Variants in SH3PXD2A observed in about 807,000 individuals in gnomAD.
SH3PXD2A encodes SH3 and PX domain-containing protein 2A.
A neutral mutation model predicts 115.2 loss-of-function variants in SH3PXD2A; 32 were observed. That is an observed-to-expected ratio of 0.28 (90% CI 0.21 to 0.37). SH3PXD2A has a LOEUF of 0.37. Ranked by LOEUF, SH3PXD2A falls within the 10% of genes least tolerant of loss-of-function variation. The pLI is 1.00. For missense variants in SH3PXD2A, 1,328 were observed against 1,498.7 expected (o/e 0.89, Z 1.88); for synonymous variants, 610 against 629.1 (o/e 0.97, Z 0.45).
intron 8 of SH3PXD2A, among the ~76,000 whole-genome samples, chr10:103,652,166 G>A (rs540558848): frequency 5.7e-4 from 87 of 152,380 alleles, no homozygotes; most frequent in Non-Finnish European, 1.1e-3. Context: ...GGGGAGTGTG[G>A]AGCTGGGGCT....
intron 1 of SH3PXD2A, among the ~76,000 whole-genome samples, chr10:103,814,486 G>T (rs530773201): frequency 6.6e-6 from 1 of 152,204 alleles, no homozygotes; most frequent in Non-Finnish European, 1.5e-5. Flanking sequence ...GGGGAAGCAG[G>T]TCTCTGTCCA....
intron 5 of SH3PXD2A, among the ~76,000 whole-genome samples, chr10:103,697,038 GTT>G (rs2037833606): frequency 6.6e-6 from 1 of 152,092 alleles, no homozygotes; most frequent in Admixed American, 6.5e-5. Context: ...GGGTGATACG[GTT>G]CCTCTCTTGG....
chr10:103,672,682 A>T (rs1167864786), intron 6 of SH3PXD2A, among the ~76,000 whole-genome samples: 1 of 152,244 alleles, frequency 6.6e-6, no homozygotes, highest in African/African-American at 2.4e-5. Context: ...TAAACGGGGA[A>T]AAAACACCTG....
chr10:103,689,501 C>T (rs1317548118), intron 6 of SH3PXD2A, among the ~76,000 whole-genome samples: 1 of 152,096 alleles, frequency 6.6e-6, no homozygotes. Context: ...CTTGTCTCTA[C>T]TAAAACTGCA....
At chr10:103,736,946 C>T in intron 3 of SH3PXD2A, 1 of 467,386 alleles carries the variant, frequency 2.1e-6, no homozygotes, top group South Asian at 1.6e-5. Flanking sequence ...GTGATTGGCT[C>T]AGTGGTGGGG....
intron 12 of SH3PXD2A, 133 bp from the exon 13 acceptor site, chr10:103,611,763 G>A: frequency 1.3e-6 from 1 of 754,706 alleles, no homozygotes; most frequent in Non-Finnish European, 2.4e-6. Flanking sequence ...TGAAGGACTT[G>A]ACACTCTAAG....
chr10:103,684,192 C>G (rs2037646583), intron 6 of SH3PXD2A, among the ~76,000 whole-genome samples: 1 of 152,088 alleles, frequency 6.6e-6, no homozygotes, highest in African/African-American at 2.4e-5. Context: ...CCTCACACTT[C>G]CACCTGACAG....
intron 2 of SH3PXD2A, among the ~76,000 whole-genome samples, chr10:103,782,302 T>C (rs996598381): frequency 6.6e-6 from 1 of 152,206 alleles, no homozygotes; most frequent in African/African-American, 2.4e-5. Flanking sequence ...TTTAGCAAGA[T>C]TGCTAAGTAG....
At chr10:103,818,989 C>T (rs1400313003) in intron 1 of SH3PXD2A, among the ~76,000 whole-genome samples, 1 of 152,202 alleles carries the variant, frequency 6.6e-6, no homozygotes, top group Non-Finnish European at 1.5e-5. Flanking sequence ...ATTACAAAGT[C>T]CTTGAAAGCA....
intron 11 of SH3PXD2A, among the ~76,000 whole-genome samples, chr10:103,613,766 C>T (rs1271400308): frequency 6.6e-6 from 1 of 152,176 alleles, no homozygotes; most frequent in Non-Finnish European, 1.5e-5. Flanking sequence ...AAAATGTACC[C>T]AGAAGGACAG....
chr10:103,793,658 ACTGCC>A (rs1156691016), intron 2 of SH3PXD2A, among the ~76,000 whole-genome samples: 1 of 152,248 alleles, frequency 6.6e-6, no homozygotes, highest in Non-Finnish European at 1.5e-5. Flanking sequence ...TGGAGCTGGC[ACTGCC>A]ACACCAGGTG....
At chr10:103,753,495 C>CAAAAAAA (rs58148179) in intron 3 of SH3PXD2A, among the ~76,000 whole-genome samples, 1 of 65,434 alleles carries the variant, frequency 1.5e-5, no homozygotes, top group Non-Finnish European at 2.9e-5. Context: ...GACCCCATCT[C>CAAAAAAA]AAAAAAAAAA....
chr10:103,615,505 T>TGTGC (rs2036502463), intron 11 of SH3PXD2A, among the ~76,000 whole-genome samples: 1 of 107,674 alleles, frequency 9.3e-6, no homozygotes, highest in Non-Finnish European at 2.3e-5. Flanking sequence ...TGTGTGTGTG[T>TGTGC]GTGTGTGTGT....
Position 103,620,072 on chromosome 10 carries a change from T to C in SH3PXD2A, c.802+2398A>G, listed in dbSNP as rs1262001830. ...AGACTTGCCTGGGCCACAAACCCCA[T>C]CTGGGGGCGCCAGACAAGAGGAGGC... On this transcript the variant is annotated intron_variant, in intron 10 of 14. Transcript: ENST00000369774. This position sits in a 1 kb window ranked among gnomAD's most constrained non-coding sequence, Gnocchi z 5.3. 3.3e-5 allele frequency among the ~76,000 whole-genome samples: 5 copies of C among 152,170 alleles called. No homozygotes were observed. Among genetic ancestry groups the C allele is most frequent in the Admixed American group, 2.6e-4 (4 of 15,286 alleles).
intron 6 of SH3PXD2A, among the ~76,000 whole-genome samples, chr10:103,681,751 C>G (rs996066032): frequency 2.2e-4 from 29 of 134,462 alleles, no homozygotes; most frequent in Non-Finnish European, 3.4e-4. Context: ...CACACACACA[C>G]ACGCGCCCGC....
At chr10:103,648,293 T>C (rs1194089455) in intron 8 of SH3PXD2A, among the ~76,000 whole-genome samples, 2 of 152,202 alleles carry the variant, frequency 1.3e-5, no homozygotes, top group Admixed American at 1.3e-4. Flanking sequence ...TTGAGATCCC[T>C]GCACCAAGCC....
intron 2 of SH3PXD2A, among the ~76,000 whole-genome samples, chr10:103,790,545 C>G (rs1023770506): frequency 6.6e-6 from 1 of 152,176 alleles, no homozygotes; most frequent in Non-Finnish European, 1.5e-5. Context: ...CTGTCACTTG[C>G]TGTGATCTTG....
In SH3PXD2A at chr10:103,746,636, C is replaced by T. The variant is rs2038506969; in HGVS notation, c.230-10828G>A. On this transcript the variant is annotated intron_variant, in intron 3 of 14. Coordinates refer to ENST00000369774, the MANE Select transcript of SH3PXD2A (RefSeq NM_001394015.1). This position sits in a 1 kb window ranked among gnomAD's most constrained non-coding sequence, Gnocchi z 4.4. ...AGAATAATATTCTCAAACCATAACC[C>T]TTGCTTAACCCTTTCAGTGACTGCC... Among the ~76,000 whole-genome samples, 1 of 152,200 alleles carries T rather than the reference C, an allele frequency of 6.6e-6. No homozygotes were observed. Among genetic ancestry groups the T allele is most frequent in the Non-Finnish European group, 1.5e-5 (1 of 68,034 alleles).
At chr10:103,644,133 A>G (rs2036998136) in intron 8 of SH3PXD2A, among the ~76,000 whole-genome samples, 1 of 151,316 alleles carries the variant, frequency 6.6e-6, no homozygotes, top group South Asian at 2.1e-4. Context: ...AAAAAAAAAA[A>G]AAAAAAGAAT....
Sources: gnomAD v4.1 joint callset for allele counts (sites outside exome capture counted in the v4.1 genomes callset) on GRCh38, gnomAD v4.1.1 for gene constraint, Gnocchi (gnomAD v3.1) non-coding constraint, MANE v1.5 for transcripts, NCBI Gene and HGNC (gene_info 2026-07-23, HGNC 2026-07-21) for gene names.